Variants in PHIP observed in about 807,000 individuals in gnomAD.
The protein encoded by PHIP is PHIP subunit of CUL4-Ring ligase complex.
A neutral mutation model predicts 236.8 loss-of-function variants in PHIP; 54 were observed. The ratio of observed to expected loss-of-function variants is 0.23; its 90% confidence interval spans 0.18 to 0.29. The LOEUF (loss-of-function observed/expected upper bound fraction) is 0.29, where lower values mean the gene tolerates loss of function less well. PHIP is among the 10% of genes least tolerant of loss of function. PHIP has a pLI of 1.00. For synonymous variants in PHIP, 756 were observed against 718.9 expected (o/e 1.05, Z -0.83); for missense variants, 1,370 against 2,190.8 (o/e 0.63, Z 7.48).
At position 78,935,742 on chromosome 6, in the gene PHIP, T is replaced by C. The variant is rs927919924; in HGVS notation, c.*4951A>G. 2.0e-6 allele frequency: 2 copies of C among 985,292 alleles called. No homozygotes were observed. The highest frequency in any genetic ancestry group is 1.2e-6 in the Non-Finnish European group (1 of 829,804). 61.0% of individuals were successfully genotyped at this position (985,292 alleles called of 1,614,324 possible). A position where few individuals can be genotyped will look rare whatever the true frequency, so the allele number is the denominator to read the frequency against. ...CACTGGAAACTCTAATGAACCAGCA[T>C]TTACATAATGGTATCTGCCATATGA... On this transcript the variant is annotated 3_prime_UTR_variant, in exon 40 of 40. Transcript: ENST00000275034.
At chr6:79,019,208 G>C (rs1291129250) in intron 9 of PHIP, 49 bp from the exon 10 acceptor site, 2 of 1,294,386 alleles carry the variant, frequency 1.5e-6, no homozygotes, top group Non-Finnish European at 2.2e-6. Flanking sequence ...GGAACCAGTA[G>C]CAGCAGAAAT....
At position 78,989,610 on chromosome 6, in the gene PHIP, G is replaced by A. The variant is rs538085802; in HGVS notation, c.2319+1258C>T. Among the ~76,000 whole-genome samples the A allele has an allele frequency of 3.9e-5, 6 of 152,134 alleles. No individual in the cohort carries two copies. The South Asian group carries it at 1.2e-3, about 32-fold the overall frequency. On this transcript the variant is annotated intron_variant, in intron 20 of 39. Coordinates refer to ENST00000275034, the MANE Select transcript of PHIP (RefSeq NM_017934.7). ...TATTCCAGTTTTTGCGACCACAGAC[G>A]CTAAAAATATGTGAGTGTGCATGCA... is the stretch of plus-strand genomic sequence containing the variant.
At chr6:79,073,226 A>C (rs563591218) in intron 4 of PHIP, among the ~76,000 whole-genome samples, 1 of 152,354 alleles carries the variant, frequency 6.6e-6, no homozygotes, top group African/African-American at 2.4e-5. Context: ...CATCAATAGA[A>C]TAATTCTATA....
chr6:78,983,703 T>C (rs1383817113), intron 22 of PHIP, among the ~76,000 whole-genome samples: 4 of 152,058 alleles, frequency 2.6e-5, no homozygotes, highest in South Asian at 4.1e-4. Flanking sequence ...AGTAACAAAA[T>C]TTCATTTAGA....
intron 4 of PHIP, among the ~76,000 whole-genome samples, chr6:79,070,836 C>G (rs1773847147): frequency 6.6e-6 from 1 of 152,100 alleles, no homozygotes; most frequent in Non-Finnish European, 1.5e-5. Flanking sequence ...ATAATTGTTA[C>G]AATGTATTTT....
intron 9 of PHIP, among the ~76,000 whole-genome samples, 167 bp downstream of exon 9, chr6:79,025,351 AG>A (rs1224485451): frequency 6.6e-6 from 1 of 152,214 alleles, no homozygotes; most frequent in Non-Finnish European, 1.5e-5. Context: ...ACATAAAAAA[AG>A]GGGAGGAATA....
intron 27 of PHIP, among the ~76,000 whole-genome samples, chr6:78,968,121 C>T (rs1054656890): frequency 5.9e-5 from 9 of 151,912 alleles, no homozygotes; most frequent in Non-Finnish European, 8.8e-5. Flanking sequence ...GGTGACAGAG[C>T]GAGACTCCAT....
chr6:78,968,178 T>C (rs1767272550), intron 27 of PHIP, among the ~76,000 whole-genome samples: 2 of 152,144 alleles, frequency 1.3e-5, no homozygotes, highest in Non-Finnish European at 2.9e-5. Context: ...GTAATGTATG[T>C]GAAAAATTTA....
At chr6:78,993,639 T>C (rs538612501) in intron 19 of PHIP, among the ~76,000 whole-genome samples, 2 of 152,358 alleles carry the variant, frequency 1.3e-5, no homozygotes, top group South Asian at 2.1e-4. Context: ...ATTTATAGCA[T>C]GGTTTACTGA....
At chr6:78,976,805 G>A (rs1347991943) in intron 24 of PHIP, among the ~76,000 whole-genome samples, 3 of 143,394 alleles carry the variant, frequency 2.1e-5, no homozygotes, top group Non-Finnish European at 4.6e-5. Context: ...TCAGAGAAAT[G>A]CAAATCAAAA....
At chr6:79,006,710 G>T (rs565575577) in intron 15 of PHIP, among the ~76,000 whole-genome samples, 1 of 152,064 alleles carries the variant, frequency 6.6e-6, no homozygotes, top group East Asian at 1.9e-4. Context: ...AAAATAATTA[G>T]AAATAGAGTG....
chr6:78,939,578 AGTAT>A lies in PHIP; in HGVS notation c.*1111_*1114del, dbSNP rs1301443629. The A allele has an allele frequency of 6.6e-6, 1 of 151,642 alleles. No individual in the cohort carries two copies. The highest frequency in any genetic ancestry group is 6.6e-5 in the Admixed American group (1 of 15,248). The allele number at this position is 151,642 out of a possible 1,614,324, so 9.4% of individuals were successfully genotyped here. A position where few individuals can be genotyped will look rare whatever the true frequency, so the allele number is the denominator to read the frequency against. ...ATTTATACCTGGGTAATAGTATATA[AGTAT>A]GTGTTTGTATATATATTTAATTATA... is the stretch of plus-strand genomic sequence containing the variant. On this transcript the variant is annotated 3_prime_UTR_variant, in exon 40 of 40. Transcript: ENST00000275034.
chr6:78,968,884 T>A (rs1296973030), intron 27 of PHIP, among the ~76,000 whole-genome samples: 7 of 152,184 alleles, frequency 4.6e-5, no homozygotes, highest in Non-Finnish European at 8.8e-5. Flanking sequence ...GTGTTCCAAT[T>A]TTTTCCCCCT....
intron 9 of PHIP, among the ~76,000 whole-genome samples, chr6:79,021,871 G>A (rs1771131811): frequency 6.6e-6 from 1 of 152,082 alleles, no homozygotes. Context: ...CTAAAGGAGT[G>A]TAATTGGATA....
intron 7 of PHIP, among the ~76,000 whole-genome samples, chr6:79,040,118 A>G (rs762341825): frequency 3.3e-5 from 5 of 152,124 alleles, no homozygotes; most frequent in Non-Finnish European, 7.4e-5. Flanking sequence ...ACTGCTTTCT[A>G]TTTTGTTCAG....
intron 6 of PHIP, among the ~76,000 whole-genome samples, chr6:79,057,152 C>G (rs1430974478): frequency 6.6e-6 from 1 of 152,188 alleles, no homozygotes; most frequent in East Asian, 1.9e-4. Flanking sequence ...AGAGGTCCAA[C>G]AGTTTCCATA....
Position 78,970,186 on chromosome 6 carries a change from G to A in PHIP, c.2998-13C>T, listed in dbSNP as rs758778439. 6.2e-7 allele frequency: 1 copy of A among 1,605,650 alleles called. No homozygotes were observed. Among genetic ancestry groups the A allele is most frequent in the Non-Finnish European group, 8.5e-7 (1 of 1,174,720 alleles). On this transcript the variant is annotated splice_polypyrimidine_tract_variant and intron_variant, in intron 25 of 39. Transcript: ENST00000275034. ...TAAGTTCTTGTTCCTGAGAGAGACA[G>A]AGAATATAAGGAACCATCTTTACAA...
chr6:78,955,453 C>G (rs1445754707), intron 33 of PHIP, among the ~76,000 whole-genome samples, 160 bp downstream of exon 33: 1 of 151,172 alleles, frequency 6.6e-6, no homozygotes, highest in Non-Finnish European at 1.5e-5. Flanking sequence ...TTTTTTTTAA[C>G]TATAAGAAGA....
rs141390764 is a variant in PHIP at position 78,941,685 on chromosome 6, T to C, written c.4829-355A>G. 6.3e-4 allele frequency among the ~76,000 whole-genome samples: 96 copies of C among 152,260 alleles called. 1 individual carries two copies. In the South Asian group the frequency reaches 8.1e-3, roughly 13 times the overall value. On this transcript the variant is annotated intron_variant, in intron 39 of 39. Coordinates refer to ENST00000275034, the MANE Select transcript of PHIP (RefSeq NM_017934.7). ...CAAAAACTTTGTTCTTAGAACTGTT[T>C]AAAGAGGATTTAAAAACAACTAAAT...
Sources: allele counts gnomAD v4.1 joint callset (sites outside exome capture counted in the v4.1 genomes callset), GRCh38; gene constraint gnomAD v4.1.1; transcripts MANE v1.5; gene names NCBI Gene and HGNC (gene_info 2026-07-23, HGNC 2026-07-21).